PLCB4: variants seen among roughly 807,000 people sequenced by gnomAD.
PLCB4 encodes the protein 1-phosphatidylinositol 4,5-bisphosphate phosphodiesterase beta-4.
Under a neutral mutation model 178.8 loss-of-function variants are expected in PLCB4, and 77 were observed. That is an observed-to-expected ratio of 0.43 (90% CI 0.36 to 0.52). The LOEUF (loss-of-function observed/expected upper bound fraction) is 0.52. Among genes scored for constraint, PLCB4 ranks in the 20% least tolerant of loss-of-function variants. The probability of loss-of-function intolerance (pLI) is 0.00; values close to 1 mark genes in which losing one functional copy is unlikely to be tolerated. For missense variants in PLCB4, 1,024 were observed against 1,453.4 expected (o/e 0.70, Z 4.80); for synonymous variants, 496 against 490.8 (o/e 1.01, Z -0.14).
chr20:9,438,380 A>G lies in PLCB4; in HGVS notation c.2764+1228A>G, dbSNP rs187206193. ...GACTATATCTTAAAAAAAAAAAAAA[A>G]AAAGAAAGAAAGAAATAAGTTGGCA... On this transcript the variant is annotated intron_variant, in intron 30 of 39. Transcript: ENST00000378473. Among the ~76,000 whole-genome samples the G allele has an allele frequency of 5.0e-3, 754 of 149,584 alleles. 2 individuals carry two copies. The highest frequency in any genetic ancestry group is 8.0e-3 in the Admixed American group (121 of 15,162).
At chr20:9,452,086 C>T (rs2042803174) in intron 32 of PLCB4, among the ~76,000 whole-genome samples, 1 of 151,864 alleles carries the variant, frequency 6.6e-6, no homozygotes, top group South Asian at 2.1e-4. Flanking sequence ...CAGCATCACC[C>T]TTCTCCACTC....
chr20:9,070,506 G>A (rs957230517), intron 1 of PLCB4, among the ~76,000 whole-genome samples: 1 of 152,130 alleles, frequency 6.6e-6, no homozygotes, highest in South Asian at 2.1e-4. Flanking sequence ...CACTATCTGT[G>A]TTATGTAATC....
chr20:9,389,849 T>C, intron 15 of PLCB4, 30 bp from the exon 16 acceptor site: 1 of 1,292,134 alleles, frequency 7.7e-7, no homozygotes, highest in South Asian at 1.2e-5. Flanking sequence ...TGCTCTTTTC[T>C]CTCATTAACG....
At chr20:9,170,720 C>A (rs1229348120) in intron 2 of PLCB4, among the ~76,000 whole-genome samples, 1 of 152,186 alleles carries the variant, frequency 6.6e-6, no homozygotes, top group African/African-American at 2.4e-5. Flanking sequence ...TCAGCTTTAC[C>A]TTCAGGTACC....
chr20:9,106,849 T>G (rs1214149879), intron 2 of PLCB4, among the ~76,000 whole-genome samples: 1 of 152,186 alleles, frequency 6.6e-6, no homozygotes, highest in African/African-American at 2.4e-5. Context: ...TTGTGTAAGA[T>G]TATTTATCCT....
intron 3 of PLCB4, among the ~76,000 whole-genome samples, chr20:9,222,731 C>T (rs967863142): frequency 6.6e-6 from 1 of 152,000 alleles, no homozygotes; most frequent in African/African-American, 2.4e-5. Context: ...TCAAGACTAG[C>T]CATATTTCAG....
At chr20:9,328,680 A>G (rs2031130571) in intron 4 of PLCB4, among the ~76,000 whole-genome samples, 1 of 152,192 alleles carries the variant, frequency 6.6e-6, no homozygotes. Flanking sequence ...CAGGTGTAGC[A>G]TATTGTTCAA....
At chr20:9,263,253 A>C (rs957403471) in intron 3 of PLCB4, among the ~76,000 whole-genome samples, 1 of 152,150 alleles carries the variant, frequency 6.6e-6, no homozygotes, top group African/African-American at 2.4e-5. Context: ...GGGGTCTGAT[A>C]ATACTTGTCA....
intron 3 of PLCB4, among the ~76,000 whole-genome samples, chr20:9,225,408 A>C (rs1271526446): frequency 1.3e-5 from 2 of 152,182 alleles, no homozygotes; most frequent in Non-Finnish European, 2.9e-5. Context: ...TAATTGTTCT[A>C]CCTTCAGTTT....
At chr20:9,083,316 C>T (rs900055770) in intron 1 of PLCB4, among the ~76,000 whole-genome samples, 3 of 151,906 alleles carry the variant, frequency 2.0e-5, no homozygotes, top group South Asian at 2.1e-4. Context: ...ACACAGGATA[C>T]GAGACACAGG....
chr20:9,409,019 T>C (rs1395217246), intron 23 of PLCB4, 38 bp from the exon 24 acceptor site: 1 of 1,595,730 alleles, frequency 6.3e-7, no homozygotes, highest in Non-Finnish European at 8.5e-7. Flanking sequence ...TTCTCTGCTG[T>C]AGGACTCTTT....
chr20:9,429,108 A>C (rs553040858), intron 28 of PLCB4, among the ~76,000 whole-genome samples: 22 of 152,288 alleles, frequency 1.4e-4, no homozygotes, highest in Admixed American at 1.4e-3. Context: ...GTAGAGCTTT[A>C]AGTTAAATCT....
intron 1 of PLCB4, among the ~76,000 whole-genome samples, chr20:9,088,536 A>C (rs1038381013): frequency 1.3e-5 from 2 of 152,226 alleles, no homozygotes; most frequent in African/African-American, 2.4e-5. Flanking sequence ...CTACCTTCAC[A>C]GTAATGAGAA....
chr20:9,234,017 A>G (rs1278185921), intron 3 of PLCB4, among the ~76,000 whole-genome samples: 1 of 152,128 alleles, frequency 6.6e-6, no homozygotes, highest in African/African-American at 2.4e-5. Flanking sequence ...AAAGGCTTAT[A>G]CCTAAGTGCT....
chr20:9,314,216 G>A (rs1003662409), intron 4 of PLCB4, among the ~76,000 whole-genome samples: 5 of 152,186 alleles, frequency 3.3e-5, no homozygotes, highest in Non-Finnish European at 7.3e-5. Context: ...CAGGGCATTG[G>A]CATTTGATTC....
At chr20:9,346,227 C>A (rs1482032905) in intron 7 of PLCB4, among the ~76,000 whole-genome samples, 1 of 152,196 alleles carries the variant, frequency 6.6e-6, no homozygotes, top group Non-Finnish European at 1.5e-5. Flanking sequence ...CCTGCCCCAC[C>A]CTACTGAATC....
intron 2 of PLCB4, among the ~76,000 whole-genome samples, chr20:9,158,317 G>A (rs2092824365): frequency 6.6e-6 from 1 of 151,484 alleles, no homozygotes; most frequent in Admixed American, 6.6e-5. Flanking sequence ...CCAAGCTGTA[G>A]TGTGGTGACA....
chr20:9,362,841 T>A (rs1737400050), intron 7 of PLCB4, 55 bp from the exon 8 acceptor site: 3 of 1,082,996 alleles, frequency 2.8e-6, no homozygotes, highest in Non-Finnish European at 4.3e-6. Context: ...TAAAAACTGC[T>A]CTATTTGACT....
At chr20:9,173,403 T>G (rs1325408986) in intron 2 of PLCB4, among the ~76,000 whole-genome samples, 2 of 152,186 alleles carry the variant, frequency 1.3e-5, no homozygotes, top group Non-Finnish European at 2.9e-5. Flanking sequence ...AGACACACGC[T>G]CTCCAGTTCC....
Sources: gnomAD v4.1 joint callset for allele counts (sites outside exome capture counted in the v4.1 genomes callset) on GRCh38, gnomAD v4.1.1 for gene constraint, MANE v1.5 for transcripts, NCBI Gene and HGNC (gene_info 2026-07-23, HGNC 2026-07-21) for gene names.